Variants in SGTB observed in about 807,000 individuals in gnomAD.
The protein encoded by SGTB is small glutamine-rich tetratricopeptide repeat-containing protein beta.
A neutral mutation model predicts 43.9 loss-of-function variants in SGTB; 19 were observed. The ratio of observed to expected loss-of-function variants is 0.43; its 90% CI spans 0.30 to 0.63. The LOEUF (loss-of-function observed/expected upper bound fraction) is 0.63, where lower values mean the gene tolerates loss of function less well. Among genes scored for constraint, SGTB ranks in the 30% least tolerant of loss-of-function variants. SGTB has a pLI of 0.12. For missense variants in SGTB, 304 were observed against 358.9 expected (o/e 0.85, Z 1.24); for synonymous variants, 116 against 117.3 (o/e 0.99, Z 0.07).
intron 10 of SGTB, 114 bp downstream of exon 10, chr5:65,671,801 G>A: frequency 1.1e-6 from 1 of 948,884 alleles, no homozygotes; most frequent in South Asian, 1.7e-5. Flanking sequence ...GGAGGCTAAA[G>A]TTACTAACGG....
At position 65,670,073 on chromosome 5, in the gene SGTB, T is replaced by C. The variant is rs1549192; in HGVS notation, c.*173A>G. The C allele has an allele frequency of 0.22, 120,698 of 537,480 alleles. 15,165 individuals carry two copies. Among genetic ancestry groups the C allele is most frequent in the South Asian group, 0.31 (10,719 of 34,112 alleles). The allele number at this position is 537,480 out of a possible 1,614,324, so 33.3% of individuals were successfully genotyped here. A position where few individuals can be genotyped will look rare whatever the true frequency, so the allele number is the denominator to read the frequency against. On this transcript the variant is annotated 3_prime_UTR_variant, in exon 11 of 11. Transcript: ENST00000381007. ...TTTGAGTTTGTTTGTGATAAACCTA[T>C]TGTCTAAACAGATTTATTCTTTAAG...
chr5:65,699,873 CAAAT>C (rs1485421856), intron 5 of SGTB, among the ~76,000 whole-genome samples: 1 of 152,088 alleles, frequency 6.6e-6, no homozygotes, highest in African/African-American at 2.4e-5. Flanking sequence ...CTTTAAAAGA[CAAAT>C]AAATAGAAGA....
intron 1 of SGTB, among the ~76,000 whole-genome samples, chr5:65,721,297 G>A (rs1401201992): frequency 1.3e-5 from 2 of 152,198 alleles, no homozygotes; most frequent in African/African-American, 4.8e-5. Context: ...TATTTGATGA[G>A]GAAACACATT....
chr5:65,719,530 T>C (rs1029279702), intron 2 of SGTB, among the ~76,000 whole-genome samples: 1 of 151,806 alleles, frequency 6.6e-6, no homozygotes, highest in African/African-American at 2.4e-5. Flanking sequence ...GAGGTGGAGG[T>C]TGCAGTGAGC....
chr5:65,670,262 G>C lies in SGTB; in HGVS notation c.899C>G (p.Ala300Gly). Residue 300 changes from alanine to glycine, a missense_variant, in exon 11 of 11, where the codon GCT (alanine) becomes GGT (glycine). Ala to Gly is a moderately conservative substitution (Grantham distance 60). Transcript: ENST00000381007. Reference sequence around the variant, plus strand: ...CTGGTTAAATCAGGAATGCTCTTCAGCGCTGCTGCTGAATGATCTGCTCCG... The same window carrying C: ...CTGGTTAAATCAGGAATGCTCTTCACCGCTGCTGCTGAATGATCTGCTCCG... ...HIRSRSFSSS[A>G]EEHS 1 of 1,614,126 alleles carries C rather than the reference G, an allele frequency of 6.2e-7. No homozygotes were observed. The highest frequency in any genetic ancestry group is 1.7e-5 in the Admixed American group (1 of 60,016).
At chr5:65,672,602 C>T (rs181907439) in intron 8 of SGTB, among the ~76,000 whole-genome samples, 14 of 152,294 alleles carry the variant, frequency 9.2e-5, no homozygotes, top group African/African-American at 3.4e-4. Context: ...GTTAAGGGAT[C>T]TCCTACACTT....
intron 3 of SGTB, 86 bp downstream of exon 3, chr5:65,712,875 T>C (rs1478284974): frequency 5.1e-6 from 5 of 971,310 alleles, no homozygotes; most frequent in African/African-American, 1.7e-5. Context: ...TAATTACTCA[T>C]ATACCTGGCC....
rs1208112045 is a variant in SGTB, at chr5:65,670,113, G to A, written c.*133C>T. On this transcript the variant is annotated 3_prime_UTR_variant, in exon 11 of 11. Coordinates refer to ENST00000381007, the MANE Select transcript of SGTB (RefSeq NM_019072.3). The stretch of plus-strand genomic sequence containing the variant: ...TATTCTTTAAGAATATACACAAGAG[G>A]TTTTCCTCCATTATTTTCACACATC... 4 of 673,192 alleles carry A rather than the reference G, an allele frequency of 5.9e-6. No homozygotes were observed. Among genetic ancestry groups the A allele is most frequent in the African/African-American group, 5.4e-5 (3 of 55,090 alleles). 41.7% of individuals were successfully genotyped at this position (673,192 alleles called of 1,614,324 possible).
chr5:65,692,563 A>G (rs1296401189), intron 5 of SGTB, among the ~76,000 whole-genome samples: 1 of 152,188 alleles, frequency 6.6e-6, no homozygotes, highest in Non-Finnish European at 1.5e-5. Flanking sequence ...ATTCTATAAG[A>G]CAATTGGCCT....
intron 2 of SGTB, among the ~76,000 whole-genome samples, chr5:65,714,547 G>C (rs941197509): frequency 2.0e-5 from 3 of 152,216 alleles, no homozygotes; most frequent in African/African-American, 7.2e-5. Context: ...AGGTTCGGTG[G>C]CTCACGCCTA....
rs1333680140 is a variant in SGTB, at chr5:65,708,639, T to G, written c.205-81A>C. The G allele has an allele frequency of 3.8e-6, 4 of 1,062,106 alleles. No homozygotes were observed. In the East Asian group the frequency reaches 1.1e-4, roughly 30 times the overall value. The allele number at this position is 1,062,106 out of a possible 1,614,324, so 65.8% of individuals were successfully genotyped here. A position where few individuals can be genotyped will look rare whatever the true frequency, so the allele number is the denominator to read the frequency against. On this transcript the variant is annotated intron_variant, in intron 3 of 10. Transcript: ENST00000381007. ...AGAGTACTATAAATAAATAATAAAT[T>G]ACCCACATTTTAAATCATCTGTAAC...
chr5:65,691,600 T>C (rs775942008), intron 5 of SGTB, among the ~76,000 whole-genome samples: 1 of 146,268 alleles, frequency 6.8e-6, no homozygotes, highest in Non-Finnish European at 1.5e-5. Context: ...AGTGCTGGGA[T>C]TACAGGCGGT....
rs1004243490 is a variant in SGTB, at chr5:65,669,830, C to T, written c.*416G>A. The T allele has an allele frequency of 2.6e-5, 4 of 156,424 alleles. No homozygotes were observed. Among genetic ancestry groups the T allele is most frequent in the African/African-American group, 9.6e-5 (4 of 41,550 alleles). 9.7% of individuals were successfully genotyped at this position (156,424 alleles called of 1,614,324 possible). Reference sequence around the variant, plus strand: ...CTTCTTCTCAACCAGCATAGGAAACCTTTCCTTTGGGTCATTTCCCTTCTC... The same window carrying T: ...CTTCTTCTCAACCAGCATAGGAAACTTTTCCTTTGGGTCATTTCCCTTCTC... On this transcript the variant is annotated 3_prime_UTR_variant, in exon 11 of 11. Coordinates refer to ENST00000381007, the MANE Select transcript of SGTB (RefSeq NM_019072.3).
Position 65,708,552 on chromosome 5 carries a change from C to A in SGTB, c.211G>T (p.Val71Phe). 2 of 1,611,814 alleles carry A rather than the reference C, an allele frequency of 1.2e-6. No homozygotes were observed. Among genetic ancestry groups the A allele is most frequent in the South Asian group, 1.1e-5 (1 of 90,590 alleles). The stretch of plus-strand genomic sequence containing the variant: ...GGCACTGAGTTTGAAAGGGGCAGAA[C>A]GTCATTCTGAAATTAAATAAAAATC... ...MFTSSFCKNDVLPLSNSVPED... is the reference protein window; with the variant it reads ...MFTSSFCKNDFLPLSNSVPED... Residue 71 changes from valine to phenylalanine, a missense_variant, in exon 4 of 11, where the codon GTT becomes TTT. By Grantham distance (50) the Val-to-Phe change is conservative (BLOSUM62 -1). Transcript: ENST00000381007.
chr5:65,711,561 C>G (rs945721324), intron 3 of SGTB, among the ~76,000 whole-genome samples: 1 of 152,228 alleles, frequency 6.6e-6, no homozygotes, highest in Non-Finnish European at 1.5e-5. Context: ...GAAAGAACCA[C>G]AGCCCACCAT....
Position 65,708,477 on chromosome 5 carries a change from T to C in SGTB, c.274+12A>G. The C allele has an allele frequency of 1.2e-6, 2 of 1,610,834 alleles. No homozygotes were observed. Among genetic ancestry groups the C allele is most frequent in the South Asian group, 2.2e-5 (2 of 90,390 alleles). Reference sequence around the variant, plus strand: ...CTTTACTAAGTAAGTCATTTTTGTATGAAATATTCACCTTCATCTTTTAAT... The same window carrying C: ...CTTTACTAAGTAAGTCATTTTTGTACGAAATATTCACCTTCATCTTTTAAT... On this transcript the variant is annotated intron_variant, in intron 4 of 10. Transcript: ENST00000381007.
At chr5:65,715,027 T>C (rs1450875533) in intron 2 of SGTB, among the ~76,000 whole-genome samples, 1 of 152,192 alleles carries the variant, frequency 6.6e-6, no homozygotes, top group Admixed American at 6.5e-5. Context: ...TTGATTGGGA[T>C]TAGTGAAGTT....
At chr5:65,700,703 G>GAAAGA (rs1757798763) in intron 5 of SGTB, among the ~76,000 whole-genome samples, 1 of 132,592 alleles carries the variant, frequency 7.5e-6, no homozygotes, top group African/African-American at 2.8e-5. Context: ...AAAAAAGAAA[G>GAAAGA]AAAGAAAAGA....
intron 8 of SGTB, among the ~76,000 whole-genome samples, chr5:65,674,419 G>C (rs1467549109): frequency 6.6e-6 from 1 of 152,108 alleles, no homozygotes; most frequent in Non-Finnish European, 1.5e-5. Context: ...AAACACCTCT[G>C]CTCCACTCTC....
Sources: allele counts gnomAD v4.1 joint callset (sites outside exome capture counted in the v4.1 genomes callset), GRCh38; gene constraint gnomAD v4.1.1; transcripts MANE v1.5; gene names NCBI Gene and HGNC (gene_info 2026-07-23, HGNC 2026-07-21).